The following CADM1 variants were observed in gnomAD, a reference collection of about 807,000 sequenced individuals.
CADM1 encodes TSLC-1.
Under a neutral mutation model 53.1 loss-of-function variants are expected in CADM1, and 15 were observed. The observed-to-expected ratio is 0.28, with a 90% CI of 0.19 to 0.44. CADM1 has a LOEUF of 0.44. Among genes scored for constraint, CADM1 ranks in the 20% least tolerant of loss-of-function variants. The pLI is 1.00. For synonymous variants in CADM1, 281 were observed against 243.0 expected (o/e 1.16, Z -1.45); for missense variants, 434 against 611.3 (o/e 0.71, Z 3.06).
chr11:115,302,329 T>C (rs1944248255), intron 1 of CADM1, among the ~76,000 whole-genome samples: 2 of 152,116 alleles, frequency 1.3e-5, no homozygotes. Context: ...ATGTTTCTTA[T>C]AGTCATTATG....
At chr11:115,404,511 G>T (rs1947262645) in intron 1 of CADM1, among the ~76,000 whole-genome samples, 1 of 148,450 alleles carries the variant, frequency 6.7e-6, no homozygotes, top group Non-Finnish European at 1.5e-5. Context: ...AGTAGGAAAG[G>T]CTTTTTAAAT....
At chr11:115,335,844 A>G (rs1185106786) in intron 1 of CADM1, among the ~76,000 whole-genome samples, 1 of 152,174 alleles carries the variant, frequency 6.6e-6, no homozygotes, top group Non-Finnish European at 1.5e-5. Flanking sequence ...GAAGCTGTCA[A>G]GTTCACAGAG....
intron 1 of CADM1, among the ~76,000 whole-genome samples, chr11:115,350,509 C>T (rs200765571): frequency 4.6e-4 from 63 of 138,034 alleles, no homozygotes; most frequent in East Asian, 1.1e-3. Context: ...TTCTTTTTTT[C>T]TTTTTTTTTT....
At chr11:115,330,997 G>A (rs1945115047) in intron 1 of CADM1, among the ~76,000 whole-genome samples, 2 of 152,260 alleles carry the variant, frequency 1.3e-5, no homozygotes, top group Admixed American at 1.3e-4. Flanking sequence ...GGCTGAAACA[G>A]GGAAGTGAAG....
intron 1 of CADM1, among the ~76,000 whole-genome samples, chr11:115,343,175 T>C (rs547121917): frequency 1.3e-5 from 2 of 152,298 alleles, no homozygotes; most frequent in African/African-American, 4.8e-5. Flanking sequence ...TACAGACTGT[T>C]ATCTAAGCTT....
At chr11:115,197,390 A>C (rs1468572948) in intron 9 of CADM1, among the ~76,000 whole-genome samples, 2 of 152,244 alleles carry the variant, frequency 1.3e-5, no homozygotes, top group Non-Finnish European at 2.9e-5. Flanking sequence ...CGATTAAAGT[A>C]GGCCCTTTAC....
intron 1 of CADM1, among the ~76,000 whole-genome samples, chr11:115,306,367 C>G (rs927706798): frequency 4.6e-5 from 7 of 151,942 alleles, no homozygotes; most frequent in Non-Finnish European, 7.4e-5. Context: ...TGTAAATAGA[C>G]TCAGTGATGT....
chr11:115,465,850 C>T (rs181510989), intron 1 of CADM1, among the ~76,000 whole-genome samples: 270 of 152,212 alleles, frequency 1.8e-3, no homozygotes, highest in African/African-American at 6.3e-3. Context: ...AATGCCTTTG[C>T]CTAGGTTTTT....
chr11:115,234,285 C>T (rs1052541364), intron 3 of CADM1, among the ~76,000 whole-genome samples: 3 of 152,128 alleles, frequency 2.0e-5, no homozygotes, highest in Non-Finnish European at 4.4e-5. Context: ...GTGTTCCTTC[C>T]ACATTATCAA....
intron 1 of CADM1, among the ~76,000 whole-genome samples, chr11:115,478,781 T>C (rs574861423): frequency 2.6e-5 from 4 of 152,162 alleles, no homozygotes; most frequent in Admixed American, 6.5e-5. Context: ...ACTTACACAG[T>C]GTTCTACAGT....
At chr11:115,412,053 T>C (rs1947472372) in intron 1 of CADM1, among the ~76,000 whole-genome samples, 1 of 152,234 alleles carries the variant, frequency 6.6e-6, no homozygotes, top group African/African-American at 2.4e-5. Flanking sequence ...TAGCAATATA[T>C]GCTTTTTATT....
At chr11:115,435,517 G>C (rs1948163863) in intron 1 of CADM1, among the ~76,000 whole-genome samples, 2 of 152,154 alleles carry the variant, frequency 1.3e-5, no homozygotes, top group East Asian at 3.9e-4. Flanking sequence ...CAGATCACTT[G>C]AGGTCAGGAG....
intron 1 of CADM1, among the ~76,000 whole-genome samples, chr11:115,275,306 G>A (rs572237699): frequency 2.0e-5 from 3 of 152,180 alleles, no homozygotes; most frequent in African/African-American, 7.2e-5. Context: ...AGATCTCAGT[G>A]CAGGTGCGAT....
At chr11:115,212,962 C>T (rs866104619) in intron 7 of CADM1, among the ~76,000 whole-genome samples, 3 of 152,182 alleles carry the variant, frequency 2.0e-5, no homozygotes, top group Non-Finnish European at 4.4e-5. Context: ...GTCCATCAAA[C>T]CCACAAAATG....
intron 1 of CADM1, among the ~76,000 whole-genome samples, chr11:115,405,522 A>C (rs1229703168): frequency 6.6e-6 from 1 of 152,230 alleles, no homozygotes; most frequent in African/African-American, 2.4e-5. Context: ...AAAGACACAT[A>C]TAAGAATGGT....
intron 1 of CADM1, among the ~76,000 whole-genome samples, chr11:115,346,576 T>A (rs1440035560): frequency 6.6e-6 from 1 of 152,140 alleles, no homozygotes; most frequent in Non-Finnish European, 1.5e-5. Context: ...TTTCCATTGT[T>A]GAAAGACATT....
chr11:115,317,983 T>TACACAC lies in CADM1; in HGVS notation c.125-77569_125-77564dup, dbSNP rs35753948. ...TTACATTATACATCCTATTACACAC[T>TACACAC]ACACACACACACACACACACACACA... On this transcript the variant is annotated intron_variant, in intron 1 of 11. Coordinates refer to ENST00000331581, the MANE Select transcript of CADM1 (RefSeq NM_001301043.2). 6.9e-3 allele frequency among the ~76,000 whole-genome samples: 1,029 copies of TACACAC among 149,182 alleles called. 6 individuals are homozygous for TACACAC. The highest frequency in any genetic ancestry group is 0.015 in the African/African-American group (615 of 40,626).
chr11:115,212,085 T>C (rs1420222185), intron 7 of CADM1, among the ~76,000 whole-genome samples: 1 of 152,036 alleles, frequency 6.6e-6, no homozygotes, highest in Non-Finnish European at 1.5e-5. Context: ...AGTGCTTAGA[T>C]CATTTCTAGC....
chr11:115,334,379 G>A lies in CADM1; in HGVS notation c.125-93959C>T, dbSNP rs115805600. Among the ~76,000 whole-genome samples the A allele has an allele frequency of 3.1e-3, 473 of 152,056 alleles. 1 individual carries two copies. Among genetic ancestry groups the A allele is most frequent in the African/African-American group, 0.011 (436 of 41,490 alleles). Reference sequence around the variant, plus strand: ...GTCAATCACAAGTGATGATACAGTAGTCCCCCCCTTATCTGTAGTTTTACT... The same window carrying A: ...GTCAATCACAAGTGATGATACAGTAATCCCCCCCTTATCTGTAGTTTTACT... On this transcript the variant is annotated intron_variant, in intron 1 of 11. Transcript: ENST00000331581.
Sources: allele counts gnomAD v4.1 joint callset (sites outside exome capture counted in the v4.1 genomes callset), GRCh38; gene constraint gnomAD v4.1.1; transcripts MANE v1.5; gene names NCBI Gene and HGNC (gene_info 2026-07-23, HGNC 2026-07-21).